GPRIN1: variants seen among roughly 807,000 people sequenced by gnomAD.
The protein encoded by GPRIN1 is G protein-regulated inducer of neurite outgrowth 1.
A neutral mutation model predicts 2.8 loss-of-function variants in GPRIN1; 4 were observed. That is an observed-to-expected ratio of 1.45 (90% CI 0.71 to 3.32). The LOEUF (loss-of-function observed/expected upper bound fraction) is 3.32. Ranked by LOEUF, GPRIN1 falls within the 30% of genes most tolerant of loss-of-function variation. The probability of loss-of-function intolerance (pLI) is 0.01; values close to 1 mark genes in which losing one functional copy is unlikely to be tolerated. For synonymous variants in GPRIN1, 589 were observed against 589.9 expected, an observed-to-expected ratio of 1.00 and a Z score of 0.02; for missense variants, 1,322 against 1,343.4, an observed-to-expected ratio of 0.98 and a Z score of 0.25.
rs1759069246 is a variant in GPRIN1, at chr5:176,597,667, G to A, written c.2168C>T (p.Ser723Phe). ...GGCTTTGCGGTCTAACTGCCTGGAGGAGGAGGACGGCTTGGTCTTCTCCAG... is the reference window on the plus strand; with the variant it reads ...GGCTTTGCGGTCTAACTGCCTGGAGAAGGAGGACGGCTTGGTCTTCTCCAG... Reference protein sequence around the residue: ...LSLEKTKPSSSSRQLDRKALG... With the variant: ...LSLEKTKPSSFSRQLDRKALG... The change falls in exon 2 of 2, where the codon TCC becomes TTC. Residue 723 changes from serine to phenylalanine, a missense_variant. Around this residue, in one of 3 missense-constraint regions of GPRIN1, gnomAD observed 1,117 missense variants for 1,128.6 expected, o/e 0.99. Transcript: ENST00000303991. The surrounding 1 kb of genome is among the most constrained non-coding windows in gnomAD (Gnocchi z 6.1). 1 of 1,595,750 alleles carries A rather than the reference G, an allele frequency of 6.3e-7. No individual in the cohort carries two copies. Among genetic ancestry groups the A allele is most frequent in the Admixed American group, 1.7e-5 (1 of 57,408 alleles).
In GPRIN1 at chr5:176,597,057, G is replaced by T; in HGVS notation, c.2778C>A (p.Gly926=). The change falls in exon 2 of 2, where the codon GGC becomes GGA. Residue 926 remains glycine (G), a synonymous_variant. Coordinates refer to ENST00000303991, the MANE Select transcript of GPRIN1 (RefSeq NM_052899.3). The surrounding 1 kb of genome is among the most constrained non-coding windows in gnomAD (Gnocchi z 6.1). ...DEKGMTWEVY[G]AAMEVEVLGM... ...CCAGCACCTCCACCTCCATGGCGGC[G>T]CCGTATACCTCCCACGTCATGCCCT... is the stretch of plus-strand genomic sequence containing the variant. The T allele has an allele frequency of 6.6e-7, 1 of 1,506,988 alleles. No individual in the cohort carries two copies. The highest frequency in any genetic ancestry group is 8.9e-7 in the Non-Finnish European group (1 of 1,125,578). 93.4% of individuals were successfully genotyped at this position (1,506,988 alleles called of 1,614,324 possible). A position where few individuals can be genotyped will look rare whatever the true frequency, so the allele number is the denominator to read the frequency against.
In GPRIN1 at chr5:176,596,906, C is replaced by G; in HGVS notation, c.2929G>C (p.Asp977His). 2.4e-6 allele frequency: 3 copies of G among 1,230,244 alleles called. No homozygotes were observed. The highest frequency in any genetic ancestry group is 3.0e-6 in the Non-Finnish European group (3 of 985,542). The allele number at this position is 1,230,244 out of a possible 1,614,324, so 76.2% of individuals were successfully genotyped here. A position where few individuals can be genotyped will look rare whatever the true frequency, so the allele number is the denominator to read the frequency against. Residue 977 changes from aspartate to histidine, a missense_variant, in exon 2 of 2, where the codon GAT becomes CAT. By Grantham distance (81) the Asp-to-His change is moderately conservative. Around this residue, in one of 3 missense-constraint regions of GPRIN1, gnomAD observed 196 missense variants for 189.2 expected, o/e 1.04. Coordinates refer to ENST00000303991, the MANE Select transcript of GPRIN1 (RefSeq NM_052899.3). This position sits in a 1 kb window ranked among gnomAD's most constrained non-coding sequence, Gnocchi z 5.2. ...RSGSVRTAPP[D>H]GAAKRPPGLF... ...CCGGGCGGACGCTTGGCGGCGCCATCTGGGGGCGCGGTGCGCACCGAGCCC... is the reference window on the plus strand; with the variant it reads ...CCGGGCGGACGCTTGGCGGCGCCATGTGGGGGCGCGGTGCGCACCGAGCCC...
intron 1 of GPRIN1, among the ~76,000 whole-genome samples, chr5:176,608,094 A>T (rs1420610814): frequency 6.6e-6 from 1 of 151,560 alleles, no homozygotes; most frequent in Non-Finnish European, 1.5e-5. Context: ...TAATCTTTAA[A>T]TTTTTGTAGA....
chr5:176,602,111 C>T lies in GPRIN1; in HGVS notation c.-43-2234G>A, dbSNP rs1451787846. 3.3e-5 allele frequency among the ~76,000 whole-genome samples: 5 copies of T among 152,218 alleles called. No homozygotes were observed. Among genetic ancestry groups the T allele is most frequent in the Admixed American group, 1.3e-4 (2 of 15,288 alleles). On this transcript the variant is annotated intron_variant, in intron 1 of 1. Coordinates refer to ENST00000303991, the MANE Select transcript of GPRIN1 (RefSeq NM_052899.3). The surrounding 1 kb of genome is among the most constrained non-coding windows in gnomAD (Gnocchi z 4.4). Reference sequence around the variant, plus strand: ...TCTCCCTCACGCTGCTTCAGCCACGCGGGGTGCCTCGCTGTGCGCCTTGCT... The same window carrying T: ...TCTCCCTCACGCTGCTTCAGCCACGTGGGGTGCCTCGCTGTGCGCCTTGCT...
In GPRIN1 at chr5:176,596,684, A is replaced by C; in HGVS notation, c.*124T>G. ...GGGGCTGGAAAGACGGGGACGCAACAGCCCTAGAGGCTGCACAACCCCTCG... is the reference window on the plus strand; with the variant it reads ...GGGGCTGGAAAGACGGGGACGCAACCGCCCTAGAGGCTGCACAACCCCTCG... On this transcript the variant is annotated 3_prime_UTR_variant, in exon 2 of 2. Coordinates refer to ENST00000303991, the MANE Select transcript of GPRIN1 (RefSeq NM_052899.3). The surrounding 1 kb of genome is among the most constrained non-coding windows in gnomAD (Gnocchi z 5.2). 1.3e-6 allele frequency: 1 copy of C among 748,260 alleles called. No individual in the cohort carries two copies. The highest frequency in any genetic ancestry group is 1.8e-6 in the Non-Finnish European group (1 of 556,952). The allele number at this position is 748,260 out of a possible 1,614,324, so 46.4% of individuals were successfully genotyped here. A position where few individuals can be genotyped will look rare whatever the true frequency, so the allele number is the denominator to read the frequency against.
Position 176,598,485 on chromosome 5 carries a change from A to C in GPRIN1, c.1350T>G (p.Thr450=). The C allele has an allele frequency of 2.5e-6, 4 of 1,614,120 alleles. No homozygotes were observed. Among genetic ancestry groups the C allele is most frequent in the Non-Finnish European group, 3.4e-6 (4 of 1,180,038 alleles). ...CCGGGTCCTCTTTTCCTGGGGATAC[A>C]GTTCCTGCCTTTCCCACAGACACAC... The part of the protein sequence containing the change: ...AERVSVGKAG[T]VSPGKEDPVS... Residue 450 remains threonine, a synonymous_variant, in exon 2 of 2, where the codon ACT becomes ACG. Coordinates refer to ENST00000303991, the MANE Select transcript of GPRIN1 (RefSeq NM_052899.3).
chr5:176,607,058 A>T (rs79836843), intron 1 of GPRIN1, among the ~76,000 whole-genome samples: 189 of 152,316 alleles, frequency 1.2e-3, no homozygotes, highest in African/African-American at 4.2e-3. Context: ...TATGACTCTG[A>T]GTGAGTTTTT....
rs1377873130 is a variant in GPRIN1 at position 176,610,110 on chromosome 5, C to G, written c.-155G>C. On this transcript the variant is annotated 5_prime_UTR_variant, in exon 1 of 2. Transcript: ENST00000303991. ...CCTCCGGCCGGGCTGGCGGGAGGAC[C>G]CGCAGACTCGGCGCCGCCGTCCCCA... 1 of 150,076 alleles carries G rather than the reference C, an allele frequency of 6.7e-6. No homozygotes were observed. The highest frequency in any genetic ancestry group is 1.5e-5 in the Non-Finnish European group (1 of 67,060). 9.3% of individuals were successfully genotyped at this position (150,076 alleles called of 1,614,324 possible).
rs1011678539 is a variant in GPRIN1 at position 176,598,659 on chromosome 5, C to T, written c.1176G>A (p.Thr392=). 3.7e-6 allele frequency: 6 copies of T among 1,614,136 alleles called. No individual in the cohort carries two copies. The highest frequency in any genetic ancestry group is 1.7e-5 in the Admixed American group (1 of 60,034). ...CTGTCTTTGCTGAAGCCGTAGTATC[C>T]GTGTGGCCAGACACAGGACGCCCCT... ...SGEGRPVSGH[T]DTTASAKTDL... Residue 392 remains threonine (T), a synonymous_variant, in exon 2 of 2, where the codon ACG becomes ACA. Transcript: ENST00000303991.
rs1274370312 is a variant in GPRIN1, at chr5:176,602,997, G to C, written c.-43-3120C>G. ...AGCAGTGACTGCCTCTCAGAAGGAA[G>C]AGCGGGGATCTGAGGGTGGGAGAAG... is the stretch of plus-strand genomic sequence containing the variant. On this transcript the variant is annotated intron_variant, in intron 1 of 1. Coordinates refer to ENST00000303991, the MANE Select transcript of GPRIN1 (RefSeq NM_052899.3). The surrounding 1 kb of genome is among the most constrained non-coding windows in gnomAD (Gnocchi z 4.4). 6.6e-6 allele frequency among the ~76,000 whole-genome samples: 1 copy of C among 152,250 alleles called. No homozygotes were observed. The highest frequency in any genetic ancestry group is 1.5e-5 in the Non-Finnish European group (1 of 68,042).
chr5:176,606,834 T>C (rs1759226784), intron 1 of GPRIN1, among the ~76,000 whole-genome samples: 1 of 152,222 alleles, frequency 6.6e-6, no homozygotes, highest in South Asian at 2.1e-4. Flanking sequence ...CAGGCAGCTG[T>C]TGTAGTCCTG....
At position 176,596,673 on chromosome 5, in the gene GPRIN1, G is replaced by T; in HGVS notation, c.*135C>A. On this transcript the variant is annotated 3_prime_UTR_variant, in exon 2 of 2. Coordinates refer to ENST00000303991, the MANE Select transcript of GPRIN1 (RefSeq NM_052899.3). The surrounding 1 kb of genome is among the most constrained non-coding windows in gnomAD (Gnocchi z 5.2). ...TTGTGATGGGAGGGGCTGGAAAGAC[G>T]GGGACGCAACAGCCCTAGAGGCTGC... is the stretch of plus-strand genomic sequence containing the variant. The T allele has an allele frequency of 1.5e-6, 1 of 655,526 alleles. No homozygotes were observed. The highest frequency in any genetic ancestry group is 2.1e-6 in the Non-Finnish European group (1 of 475,468). 40.6% of individuals were successfully genotyped at this position (655,526 alleles called of 1,614,324 possible).
rs1759019117 is a variant in GPRIN1, at chr5:176,595,808, A to G, written c.*1000T>C. ...CAATCACGGCAGACAGGGGTTGGGG[A>G]AATATTTTATTACCAATGTATACTG... On this transcript the variant is annotated 3_prime_UTR_variant, in exon 2 of 2. Transcript: ENST00000303991. The G allele has an allele frequency of 3.4e-6, 3 of 887,498 alleles. No homozygotes were observed. The South Asian group carries it at 6.8e-5, about 20-fold the overall frequency. 55.0% of individuals were successfully genotyped at this position (887,498 alleles called of 1,614,324 possible). A position where few individuals can be genotyped will look rare whatever the true frequency, so the allele number is the denominator to read the frequency against.
chr5:176,595,821 C>A lies in GPRIN1; in HGVS notation c.*987G>T. On this transcript the variant is annotated 3_prime_UTR_variant, in exon 2 of 2. Transcript: ENST00000303991. ...CAGGGGTTGGGGAAATATTTTATTA[C>A]CAATGTATACTGTGACAGTTTGTAG... 1.3e-6 allele frequency: 1 copy of A among 763,682 alleles called. No individual in the cohort carries two copies. The highest frequency in any genetic ancestry group is 1.9e-6 in the Non-Finnish European group (1 of 518,158). 47.3% of individuals were successfully genotyped at this position (763,682 alleles called of 1,614,324 possible). A position where few individuals can be genotyped will look rare whatever the true frequency, so the allele number is the denominator to read the frequency against.
chr5:176,601,890 T>C (rs1271336941), intron 1 of GPRIN1, among the ~76,000 whole-genome samples: 1 of 152,154 alleles, frequency 6.6e-6, no homozygotes, highest in African/African-American at 2.4e-5. Context: ...TTTTCCTTTG[T>C]CCCATAGCTT....
chr5:176,603,798 C>G (rs914962893), intron 1 of GPRIN1, among the ~76,000 whole-genome samples: 4 of 152,118 alleles, frequency 2.6e-5, no homozygotes, highest in African/African-American at 9.7e-5. Flanking sequence ...ATTTGAGTGG[C>G]GTGAATTGAG....
Position 176,595,856 on chromosome 5 carries a change from G to T in GPRIN1, c.*952C>A. The T allele has an allele frequency of 1.8e-6, 1 of 555,424 alleles. No homozygotes were observed. The highest frequency in any genetic ancestry group is 2.9e-6 in the Non-Finnish European group (1 of 345,754). The allele number at this position is 555,424 out of a possible 1,614,324, so 34.4% of individuals were successfully genotyped here. On this transcript the variant is annotated 3_prime_UTR_variant, in exon 2 of 2. Coordinates refer to ENST00000303991, the MANE Select transcript of GPRIN1 (RefSeq NM_052899.3). The stretch of plus-strand genomic sequence containing the variant: ...CTGTGACAGTTTGTAGCCAAAAACT[G>T]CGGCTGGAGGGGTGGGGACGGGACA...
intron 1 of GPRIN1, among the ~76,000 whole-genome samples, chr5:176,608,991 G>T (rs1054967565): frequency 2.0e-5 from 3 of 152,334 alleles, no homozygotes; most frequent in East Asian, 3.9e-4. Context: ...TCGGGGGTGT[G>T]GGGGGAGAAG....
At position 176,598,662 on chromosome 5, in the gene GPRIN1, G is replaced by A; in HGVS notation, c.1173C>T (p.His391=). ...SSGEGRPVSG[H]TDTTASAKTD... ...TCTTTGCTGAAGCCGTAGTATCCGT[G>A]TGGCCAGACACAGGACGCCCCTCTC... Residue 391 remains histidine (H), a synonymous_variant, in exon 2 of 2, where the codon CAC becomes CAT. Coordinates refer to ENST00000303991, the MANE Select transcript of GPRIN1 (RefSeq NM_052899.3). 2 of 1,614,144 alleles carry A rather than the reference G, an allele frequency of 1.2e-6. No homozygotes were observed. The highest frequency in any genetic ancestry group is 1.7e-6 in the Non-Finnish European group (2 of 1,180,032).
Sources: allele counts gnomAD v4.1 joint callset (sites outside exome capture counted in the v4.1 genomes callset), GRCh38; gene constraint gnomAD v4.1.1; regional missense constraint gnomAD v4.1.1; non-coding constraint Gnocchi (gnomAD v3.1); transcripts MANE v1.5; gene names NCBI Gene and HGNC (gene_info 2026-07-23, HGNC 2026-07-21).